ATF7: variants seen among roughly 807,000 people sequenced by gnomAD.
ATF7 encodes cyclic AMP-dependent transcription factor ATF-7.
In ATF7, 10 loss-of-function variants were observed where a neutral mutation model predicts 50.4. That is an observed-to-expected ratio of 0.20 (90% CI 0.12 to 0.34). The LOEUF is 0.34. Ranked by LOEUF, ATF7 falls within the 10% of genes least tolerant of loss-of-function variation. The pLI is 1.00. For missense variants in ATF7, 465 were observed against 613.9 expected (o/e 0.76, Z 2.56); for synonymous variants, 201 against 226.4 (o/e 0.89, Z 1.01).
intron 1 of ATF7, among the ~76,000 whole-genome samples, chr12:53,608,498 C>T (rs1271866325): frequency 6.6e-6 from 1 of 152,068 alleles, no homozygotes; most frequent in Non-Finnish European, 1.5e-5. Flanking sequence ...TGTTACCTTC[C>T]AGGACCCATT....
intron 3 of ATF7, 122 bp downstream of exon 3, chr12:53,552,419 G>A: frequency 1.4e-6 from 1 of 696,958 alleles, no homozygotes; most frequent in Non-Finnish European, 2.5e-6. Context: ...CTGATTAAAT[G>A]CAGATCACAT....
At chr12:53,554,634 G>A (rs192709138) in intron 2 of ATF7, among the ~76,000 whole-genome samples, 1 of 151,504 alleles carries the variant, frequency 6.6e-6, no homozygotes, top group Non-Finnish European at 1.5e-5. Flanking sequence ...AGGCCTAGGT[G>A]GGTGGATCAC....
chr12:53,593,465 C>A (rs1169173429), intron 2 of ATF7, among the ~76,000 whole-genome samples: 1 of 152,128 alleles, frequency 6.6e-6, no homozygotes, highest in Admixed American at 6.5e-5. Context: ...TTTGCCCAGT[C>A]ACAACTCTTT....
intron 4 of ATF7, among the ~76,000 whole-genome samples, chr12:53,541,229 T>A (rs1939532003): frequency 6.6e-6 from 1 of 152,160 alleles, no homozygotes; most frequent in African/African-American, 2.4e-5. Flanking sequence ...ATGGAAATTT[T>A]TTCTTAAATA....
intron 1 of ATF7, among the ~76,000 whole-genome samples, chr12:53,624,863 TC>T (rs1299183521): frequency 1.4e-4 from 21 of 152,316 alleles, no homozygotes; most frequent in African/African-American, 5.1e-4. Flanking sequence ...CGACAACTCT[TC>T]GAGAATGACT....
At chr12:53,585,552 A>G (rs536120418) in intron 2 of ATF7, among the ~76,000 whole-genome samples, 1 of 152,220 alleles carries the variant, frequency 6.6e-6, no homozygotes, top group Non-Finnish European at 1.5e-5. Context: ...AAGAGCATAA[A>G]TGAAAAAAGA....
Position 53,515,366 on chromosome 12 carries a change from A to G in ATF7, c.*1771T>C, listed in dbSNP as rs1257889192. ...AAAATAAGAAAGGAAGCTGGCAGTT[A>G]TTTTGTATGTATGTTTAAGATGGAG... On this transcript the variant is annotated 3_prime_UTR_variant, in exon 12 of 12. Transcript: ENST00000420353. The G allele has an allele frequency of 6.6e-6, 1 of 152,198 alleles. No homozygotes were observed. Among genetic ancestry groups the G allele is most frequent in the East Asian group, 1.9e-4 (1 of 5,206 alleles). 9.4% of individuals were successfully genotyped at this position (152,198 alleles called of 1,614,324 possible).
chr12:53,554,271 C>T (rs1381833336), intron 2 of ATF7, among the ~76,000 whole-genome samples: 2 of 152,136 alleles, frequency 1.3e-5, no homozygotes, highest in South Asian at 2.1e-4. Context: ...GCTGGGACTA[C>T]AGGCGCATGC....
intron 11 of ATF7, among the ~76,000 whole-genome samples, chr12:53,520,224 C>T (rs1454197455): frequency 2.6e-5 from 4 of 152,086 alleles, no homozygotes; most frequent in Non-Finnish European, 5.9e-5. Flanking sequence ...ATTCCTGGGA[C>T]TTCTCTTTTT....
downstream of ATF7, among the ~76,000 whole-genome samples, chr12:53,509,601 G>A (rs1241213408): frequency 4.0e-5 from 6 of 151,450 alleles, no homozygotes; most frequent in Non-Finnish European, 8.8e-5. Flanking sequence ...TGCCTCCCGG[G>A]TTCAGGCGAT....
chr12:53,534,073 C>T (rs1194660286), intron 6 of ATF7, among the ~76,000 whole-genome samples: 1 of 152,190 alleles, frequency 6.6e-6, no homozygotes, highest in African/African-American at 2.4e-5. Context: ...GTCAGGAGAT[C>T]GAGATCGTCC....
At chr12:53,593,750 T>C (rs1943041780) in intron 2 of ATF7, among the ~76,000 whole-genome samples, 1 of 152,184 alleles carries the variant, frequency 6.6e-6, no homozygotes, top group African/African-American at 2.4e-5. Flanking sequence ...TGACAAGTTT[T>C]CCCCAGTAAA....
At chr12:53,599,296 T>C (rs961164532) in intron 2 of ATF7, among the ~76,000 whole-genome samples, 3 of 152,002 alleles carry the variant, frequency 2.0e-5, no homozygotes, top group East Asian at 3.8e-4. Flanking sequence ...TGCCTTGGAC[T>C]CTGAAAGTGC....
At chr12:53,609,768 A>G (rs1943772276) in intron 1 of ATF7, among the ~76,000 whole-genome samples, 1 of 151,516 alleles carries the variant, frequency 6.6e-6, no homozygotes, top group Non-Finnish European at 1.5e-5. Context: ...CTGAAAGCAT[A>G]TATGTACCAC....
chr12:53,580,722 G>A (rs1218420789), intron 2 of ATF7, among the ~76,000 whole-genome samples: 1 of 150,262 alleles, frequency 6.7e-6, no homozygotes, highest in African/African-American at 2.4e-5. Flanking sequence ...CAAAAAAGGT[G>A]AGAATAGCTA....
chr12:53,512,201 T>C lies in ATF7; in HGVS notation c.*4936A>G, dbSNP rs772862872. On this transcript the variant is annotated 3_prime_UTR_variant, in exon 12 of 12. Transcript: ENST00000420353. Reference sequence around the variant, plus strand: ...AGGAAGACAGTATGGTTAGGGAGAATAGAGCGAAGCCCCTGCCTCAGCCCA... The same window carrying C: ...AGGAAGACAGTATGGTTAGGGAGAACAGAGCGAAGCCCCTGCCTCAGCCCA... 1 of 152,086 alleles carries C rather than the reference T, an allele frequency of 6.6e-6. No homozygotes were observed. The highest frequency in any genetic ancestry group is 2.4e-5 in the African/African-American group (1 of 41,372). 9.4% of individuals were successfully genotyped at this position (152,086 alleles called of 1,614,324 possible). A position where few individuals can be genotyped will look rare whatever the true frequency, so the allele number is the denominator to read the frequency against.
At chr12:53,565,571 C>T (rs911084410) in intron 2 of ATF7, among the ~76,000 whole-genome samples, 1 of 152,098 alleles carries the variant, frequency 6.6e-6, no homozygotes, top group Non-Finnish European at 1.5e-5. Flanking sequence ...TGGCTAACTG[C>T]AACCTCTGCC....
intron 11 of ATF7, 111 bp downstream of exon 11, chr12:53,523,165 G>C: frequency 1.2e-6 from 1 of 813,106 alleles, no homozygotes; most frequent in Non-Finnish European, 2.0e-6. Flanking sequence ...ACTCATCAGC[G>C]TGGGGTCCCC....
Position 53,524,900 on chromosome 12 carries a change from G to A in ATF7, c.928-139C>T, listed in dbSNP as rs1209497548. 1.3e-6 allele frequency: 1 copy of A among 798,874 alleles called. No homozygotes were observed. The highest frequency in any genetic ancestry group is 1.9e-6 in the Non-Finnish European group (1 of 532,266). The allele number at this position is 798,874 out of a possible 1,614,324, so 49.5% of individuals were successfully genotyped here. ...TAACCACAGCAAGTCTCATTACTAT[G>A]TCCCCAAGCTTCCCTTTTGTAGGAG... On this transcript the variant is annotated intron_variant, in intron 9 of 11. Transcript: ENST00000420353. This position sits in a 1 kb window ranked among gnomAD's most constrained non-coding sequence, Gnocchi z 4.6.
Sources: allele counts gnomAD v4.1 joint callset (sites outside exome capture counted in the v4.1 genomes callset), GRCh38; gene constraint gnomAD v4.1.1; non-coding constraint Gnocchi (gnomAD v3.1); transcripts MANE v1.5; gene names NCBI Gene and HGNC (gene_info 2026-07-23, HGNC 2026-07-21).